The following ICA1L variants were observed in gnomAD, a reference collection of about 807,000 sequenced individuals.
ICA1L encodes the protein islet cell autoantigen 1 like.
Under a neutral mutation model 61.3 loss-of-function variants are expected in ICA1L, and 50 were observed. That is an observed-to-expected ratio of 0.82 (90% CI 0.65 to 1.03). The LOEUF (loss-of-function observed/expected upper bound fraction) is 1.03, where lower values mean the gene tolerates loss of function less well. Ranked by LOEUF, ICA1L falls within the 50% of genes least tolerant of loss-of-function variation. The probability of loss-of-function intolerance (pLI) is 0.00; values close to 1 mark genes in which losing one functional copy is unlikely to be tolerated. For missense variants in ICA1L, 508 were observed against 556.7 expected, an observed-to-expected ratio of 0.91 and a Z score of 0.88; for synonymous variants, 161 against 191.3, an observed-to-expected ratio of 0.84 and a Z score of 1.31.
intron 1 of ICA1L, among the ~76,000 whole-genome samples, chr2:202,839,558 CTGTGTGTGTGTGTGTGTGTG>C (rs57535958): frequency 0.069 from 7,878 of 114,380 alleles, 360 homozygotes; most frequent in Middle Eastern, 0.12. Context: ...ACAGTTAAGT[CTGTGTGTGTGTGTGTGTGTG>C]TGTGTGTGTG....
intron 5 of ICA1L, 90 bp from the exon 6 acceptor site, chr2:202,817,633 T>C (rs1693574644): frequency 1.7e-6 from 1 of 587,388 alleles, no homozygotes; most frequent in South Asian, 6.1e-5. Flanking sequence ...AGGTTCATAA[T>C]AAATATTTTC....
At chr2:202,839,480 C>G (rs1305216834) in intron 1 of ICA1L, among the ~76,000 whole-genome samples, 1 of 119,870 alleles carries the variant, frequency 8.3e-6, no homozygotes, top group East Asian at 2.4e-4. Flanking sequence ...GCCTGGGCAA[C>G]AGAGTGAGAC....
At chr2:202,864,227 G>C in intron 1 of ICA1L, among the ~76,000 whole-genome samples, 1 of 151,870 alleles carries the variant, frequency 6.6e-6, no homozygotes, top group East Asian at 1.9e-4. Flanking sequence ...GACATTACAA[G>C]AAAAGATTAT....
chr2:202,848,769 CATA>C (rs1370052665), intron 1 of ICA1L, among the ~76,000 whole-genome samples: 4 of 152,102 alleles, frequency 2.6e-5, no homozygotes, highest in African/African-American at 9.7e-5. Context: ...TCATGCACCG[CATA>C]ATGACATTTT....
chr2:202,810,893 G>A (rs545490213), intron 9 of ICA1L, among the ~76,000 whole-genome samples: 12 of 152,202 alleles, frequency 7.9e-5, no homozygotes, highest in South Asian at 4.2e-4. Context: ...TTATTAGGAC[G>A]AGGAAATTCC....
chr2:202,815,554 G>A (rs149657669), intron 7 of ICA1L, among the ~76,000 whole-genome samples: 4 of 151,898 alleles, frequency 2.6e-5, no homozygotes, highest in Non-Finnish European at 5.9e-5. Context: ...TCCATCACTT[G>A]TTCCTCTTAA....
chr2:202,831,666 T>C (rs1469328428), intron 1 of ICA1L, among the ~76,000 whole-genome samples: 2 of 152,158 alleles, frequency 1.3e-5, no homozygotes, highest in Admixed American at 6.6e-5. Context: ...TAACATCTGA[T>C]TGGACAGCAA....
chr2:202,857,306 C>T (rs1286566660), intron 1 of ICA1L, among the ~76,000 whole-genome samples: 1 of 152,104 alleles, frequency 6.6e-6, no homozygotes, highest in African/African-American at 2.4e-5. Flanking sequence ...GAACAGAGAC[C>T]TCAGAAATAA....
At chr2:202,840,557 A>C in intron 1 of ICA1L, 1 of 553,422 alleles carries the variant, frequency 1.8e-6, no homozygotes, top group Non-Finnish European at 3.5e-6. Flanking sequence ...ATGGATATTC[A>C]TGTTCTGCAT....
At chr2:202,819,639 A>G in intron 5 of ICA1L, 62 bp downstream of exon 5, 1 of 1,218,506 alleles carries the variant, frequency 8.2e-7, no homozygotes, top group Non-Finnish European at 1.2e-6. Context: ...TATTATCTTA[A>G]TTATTCTGTG....
intron 9 of ICA1L, 59 bp downstream of exon 9, chr2:202,811,687 A>T: frequency 2.5e-5 from 24 of 953,148 alleles, no homozygotes; most frequent in Non-Finnish European, 3.8e-5. Context: ...AAAGGCTGTG[A>T]TAAACTATTT....
chr2:202,833,055 CACAG>C (rs1415487065), intron 1 of ICA1L, among the ~76,000 whole-genome samples: 1 of 151,768 alleles, frequency 6.6e-6, no homozygotes, highest in African/African-American at 2.4e-5. Flanking sequence ...ATAGACACAT[CACAG>C]ACAAACTGCT....
chr2:202,852,240 T>G (rs2105881758), intron 1 of ICA1L, among the ~76,000 whole-genome samples: 1 of 152,272 alleles, frequency 6.6e-6, no homozygotes, highest in African/African-American at 2.4e-5. Context: ...GCAGCATGAT[T>G]TACAATCCTT....
intron 9 of ICA1L, among the ~76,000 whole-genome samples, chr2:202,799,075 C>G (rs1330690296): frequency 6.6e-6 from 1 of 152,188 alleles, no homozygotes; most frequent in Non-Finnish European, 1.5e-5. Flanking sequence ...AATACTAATG[C>G]AATAATCGTG....
chr2:202,859,861 C>T (rs1460280676), intron 1 of ICA1L, among the ~76,000 whole-genome samples: 2 of 152,132 alleles, frequency 1.3e-5, no homozygotes, highest in African/African-American at 2.4e-5. Flanking sequence ...ATTTTATCTC[C>T]TTTGGTCTTC....
At position 202,788,908 on chromosome 2, in the gene ICA1L, C is replaced by G. The variant is rs375862582; in HGVS notation, c.1165G>C (p.Glu389Gln). Reference protein sequence around the residue: ...LTSQEPSMGSEPLAHSSRFLP... With the variant: ...LTSQEPSMGSQPLAHSSRFLP... ...AATCGAGAAGAATGAGCGAGGGGCT[C>G]AGACCCCATGGAAGGCTCCTGGGAT... Residue 389 changes from glutamate to glutamine, a missense_variant, in exon 11 of 13, where the codon GAG becomes CAG. By Grantham distance (29) the Glu-to-Gln change is conservative (BLOSUM62 2). Coordinates refer to ENST00000358299, the MANE Select transcript of ICA1L (RefSeq NM_001288622.3). 2.4e-5 allele frequency: 38 copies of G among 1,613,992 alleles called. No individual in the cohort carries two copies. The African/African-American group carries it at 3.9e-4, about 16-fold the overall frequency.
At chr2:202,858,512 C>A (rs1490366777) in intron 1 of ICA1L, among the ~76,000 whole-genome samples, 1 of 152,186 alleles carries the variant, frequency 6.6e-6, no homozygotes, top group Non-Finnish European at 1.5e-5. Flanking sequence ...GGACAAATAT[C>A]TAATGCATGC....
intron 11 of ICA1L, 62 bp from the exon 12 acceptor site, chr2:202,786,069 C>T: frequency 1.1e-6 from 1 of 932,548 alleles, no homozygotes; most frequent in Non-Finnish European, 1.7e-6. Context: ...ATCAGAAAAA[C>T]AAGAAAAGGT....
intron 4 of ICA1L, 52 bp downstream of exon 4, chr2:202,821,306 C>A: frequency 6.3e-7 from 1 of 1,582,104 alleles, no homozygotes; most frequent in South Asian, 1.2e-5. Context: ...GTACACATGT[C>A]AAAACTGTCA....
Sources: gnomAD v4.1 joint callset for allele counts (sites outside exome capture counted in the v4.1 genomes callset) on GRCh38, gnomAD v4.1.1 for gene constraint, MANE v1.5 for transcripts, NCBI Gene and HGNC (gene_info 2026-07-23, HGNC 2026-07-21) for gene names.